The following SGCD variants were observed in gnomAD, a reference collection of about 807,000 sequenced individuals.
The protein encoded by SGCD is delta-sarcoglycan.
In SGCD, 18 loss-of-function variants were observed where a neutral mutation model predicts 36.6. The ratio of observed to expected loss-of-function variants is 0.49; its 90% CI spans 0.34 to 0.73. The LOEUF is 0.73. SGCD is among the 30% of genes least tolerant of loss of function. The pLI, the probability that SGCD is intolerant of heterozygous loss-of-function variation, is 0.01. For synonymous variants in SGCD, 133 were observed against 130.6 expected, an observed-to-expected ratio of 1.02 and a Z score of -0.12; for missense variants, 387 against 346.7, an observed-to-expected ratio of 1.12 and a Z score of -0.92.
chr5:156,470,564 A>G (rs1036337113), intron 3 of SGCD, among the ~76,000 whole-genome samples: 24 of 151,714 alleles, frequency 1.6e-4, no homozygotes, highest in Admixed American at 4.6e-4. Flanking sequence ...TCATTGTTCA[A>G]TTCCCACCTA....
At chr5:155,880,069 T>A (rs1755849810) in intron 1 of SGCD, among the ~76,000 whole-genome samples, 1 of 152,170 alleles carries the variant, frequency 6.6e-6, no homozygotes, top group African/African-American at 2.4e-5. Context: ...GCGCAGCCAC[T>A]ATGCAGAATT....
At chr5:156,045,339 T>C (rs1448695949) in intron 1 of SGCD, among the ~76,000 whole-genome samples, 2 of 152,202 alleles carry the variant, frequency 1.3e-5, no homozygotes, top group African/African-American at 2.4e-5. Context: ...CTATACATAC[T>C]GTTTTGTGAT....
At chr5:156,359,553 A>C (rs1273345678) in intron 3 of SGCD, among the ~76,000 whole-genome samples, 1 of 152,220 alleles carries the variant, frequency 6.6e-6, no homozygotes, top group East Asian at 1.9e-4. Flanking sequence ...ATATAAAGCC[A>C]GCCTAGACCC....
At chr5:156,117,976 T>C (rs999162770) in intron 2 of SGCD, 1 of 152,188 alleles carries the variant, frequency 6.6e-6, no homozygotes, top group Non-Finnish European at 1.5e-5. Context: ...TTTTCGCTGA[T>C]ATCAGTTATG....
chr5:156,193,075 C>T (rs150529880), intron 3 of SGCD, among the ~76,000 whole-genome samples: 1 of 152,008 alleles, frequency 6.6e-6, no homozygotes, highest in African/African-American at 2.4e-5. Context: ...TTGTGAAGAT[C>T]ATTTTTAGCT....
chr5:155,934,871 A>G (rs1041782912), intron 1 of SGCD, among the ~76,000 whole-genome samples: 3 of 152,210 alleles, frequency 2.0e-5, no homozygotes, highest in African/African-American at 7.2e-5. Context: ...TGACATGACG[A>G]AGTTGGGACA....
chr5:156,697,608 G>A (rs1361723055), intron 7 of SGCD, among the ~76,000 whole-genome samples: 2 of 152,132 alleles, frequency 1.3e-5, no homozygotes, highest in Non-Finnish European at 2.9e-5. Flanking sequence ...ATACTACCTT[G>A]GAGTTTCTCT....
In SGCD at chr5:155,967,048, C is replaced by T. The variant is rs562925863; in HGVS notation, c.-282+96624C>T. ...GTGTGTCCATCTCCTCCTTTATTGT[C>T]GTGCATATTGGAGATCAATTATGAT... On this transcript the variant is annotated intron_variant, in intron 1 of 9. Transcript: ENST00000517913. Among the ~76,000 whole-genome samples the T allele has an allele frequency of 1.5e-4, 22 of 151,656 alleles. No homozygotes were observed. The South Asian group carries it at 3.7e-3, about 26-fold the overall frequency.
chr5:156,221,694 A>G (rs1288639793), intron 3 of SGCD, among the ~76,000 whole-genome samples: 1 of 152,160 alleles, frequency 6.6e-6, no homozygotes, highest in African/African-American at 2.4e-5. Context: ...ATTATTGGGA[A>G]TAAAATCCCT....
the SGCD span, among the ~76,000 whole-genome samples, chr5:155,826,071 A>T: frequency 0.066 from 10,011 of 152,256 alleles, 611 homozygotes; most frequent in African/African-American, 0.16. Flanking sequence ...AAATAACACA[A>T]AAGGAAGTTC....
intron 4 of SGCD, among the ~76,000 whole-genome samples, chr5:156,576,239 G>A (rs1028046958): frequency 2.6e-5 from 4 of 152,080 alleles, no homozygotes; most frequent in African/African-American, 9.7e-5. Context: ...CCATGTCCCT[G>A]CAAAGGACGT....
the SGCD span, among the ~76,000 whole-genome samples, chr5:155,813,222 T>G: frequency 1.3e-5 from 2 of 152,044 alleles, no homozygotes; most frequent in African/African-American, 4.8e-5. Flanking sequence ...AAGCTTAGAA[T>G]TTTCAATTTT....
Position 156,139,477 on chromosome 5 carries a change from A to ATAT in SGCD, c.-44+15461_-44+15463dup, listed in dbSNP as rs551761111. Among the ~76,000 whole-genome samples, 19 of 152,212 alleles carry ATAT rather than the reference A, an allele frequency of 1.2e-4. No individual in the cohort carries two copies. The East Asian group carries it at 3.3e-3, about 26-fold the overall frequency. Reference sequence around the variant, plus strand: ...TGTTTCTCTGCTTCTCTTACCTCCAATATTAGCACCTGGCTCCAATTATGA... The same window carrying ATAT: ...TGTTTCTCTGCTTCTCTTACCTCCAATATTATTAGCACCTGGCTCCAATTATGA... On this transcript the variant is annotated intron_variant, in intron 3 of 9. Coordinates refer to the SGCD transcript ENST00000517913.
At chr5:156,513,324 A>T (rs1757023392) in intron 4 of SGCD, among the ~76,000 whole-genome samples, 1 of 152,132 alleles carries the variant, frequency 6.6e-6, no homozygotes, top group South Asian at 2.1e-4. Context: ...ACCTCACATG[A>T]TGCTCATGAA....
At chr5:156,342,308 T>G (rs1768702707) in intron 2 of SGCD, among the ~76,000 whole-genome samples, 1 of 152,236 alleles carries the variant, frequency 6.6e-6, no homozygotes. Flanking sequence ...TGTAAAGAAT[T>G]TCTCACTGTT....
the SGCD span, among the ~76,000 whole-genome samples, chr5:155,802,338 C>T: frequency 1.3e-5 from 2 of 152,188 alleles, no homozygotes; most frequent in Non-Finnish European, 2.9e-5. Flanking sequence ...TGGTTCCTGG[C>T]TCCAGTCTTC....
chr5:156,342,868 CA>C (rs920601146), intron 2 of SGCD, among the ~76,000 whole-genome samples: 3 of 152,216 alleles, frequency 2.0e-5, no homozygotes, highest in African/African-American at 4.8e-5. Context: ...ATCATTTATG[CA>C]TTCTGTTTTC....
At chr5:156,340,384 C>T (rs1458650703) in intron 2 of SGCD, among the ~76,000 whole-genome samples, 1 of 152,186 alleles carries the variant, frequency 6.6e-6, no homozygotes, top group African/African-American at 2.4e-5. Flanking sequence ...CCTCTTCCTT[C>T]ATGTCACCAT....
the SGCD span, among the ~76,000 whole-genome samples, chr5:155,801,414 T>A: frequency 6.6e-6 from 1 of 152,194 alleles, no homozygotes; most frequent in African/African-American, 2.4e-5. Context: ...AGGGTTAATG[T>A]TGAACTTCTC....
Sources: allele counts gnomAD v4.1 joint callset (sites outside exome capture counted in the v4.1 genomes callset), GRCh38; gene constraint gnomAD v4.1.1; transcripts MANE v1.5; gene names NCBI Gene and HGNC (gene_info 2026-07-23, HGNC 2026-07-21).